Variants in DNAJB12 observed in about 807,000 individuals in gnomAD.
The protein encoded by DNAJB12 is dnaJ homolog subfamily B member 12.
In DNAJB12, 14 loss-of-function variants were observed where a neutral mutation model predicts 40.6. The ratio of observed to expected loss-of-function variants is 0.34; its 90% CI spans 0.23 to 0.54. The LOEUF is 0.54. Among genes scored for constraint, DNAJB12 ranks in the 20% least tolerant of loss-of-function variants. DNAJB12 has a pLI of 0.92. For synonymous variants in DNAJB12, 181 were observed against 199.5 expected, an observed-to-expected ratio of 0.91 and a Z score of 0.78; for missense variants, 444 against 501.7, an observed-to-expected ratio of 0.89 and a Z score of 1.10.
Position 72,335,622 on chromosome 10 carries a change from C to A in DNAJB12, c.*30+158G>T. On this transcript the variant is annotated intron_variant, in intron 8 of 8. Transcript: ENST00000444643. This position sits in a 1 kb window ranked among gnomAD's most constrained non-coding sequence, Gnocchi z 4.4. Reference sequence around the variant, plus strand: ...ACCGACCTTGGTTTCCCAGCAGGCCCCACAGCTGCTCGGTCTCTGGAGGCT... The same window carrying A: ...ACCGACCTTGGTTTCCCAGCAGGCCACACAGCTGCTCGGTCTCTGGAGGCT... The A allele has an allele frequency of 7.1e-7, 1 of 1,412,506 alleles. No individual in the cohort carries two copies. Among genetic ancestry groups the A allele is most frequent in the Non-Finnish European group, 9.2e-7 (1 of 1,085,006 alleles). The allele number at this position is 1,412,506 out of a possible 1,614,324, so 87.5% of individuals were successfully genotyped here.
chr10:72,354,564 C>G (rs1458942325), intron 1 of DNAJB12, among the ~76,000 whole-genome samples: 5 of 152,226 alleles, frequency 3.3e-5, no homozygotes. Context: ...GTCCCGGCCG[C>G]CCGAGTCTCC....
intron 5 of DNAJB12, among the ~76,000 whole-genome samples, chr10:72,339,395 G>A (rs1011536693): frequency 1.1e-4 from 17 of 152,212 alleles, no homozygotes; most frequent in African/African-American, 3.6e-4. Flanking sequence ...TTAGCTGGGT[G>A]TGGTGGCGGG....
Position 72,335,479 on chromosome 10 carries a change from G to A in DNAJB12, c.*30+301C>T, listed in dbSNP as rs1564816652. ...GGCTGGAGTGGACCAAGAAGCCCCG[G>A]GTGGCCCTCAGCAACAGTTTCAAGT... On this transcript the variant is annotated intron_variant, in intron 8 of 8. Transcript: ENST00000444643. The surrounding 1 kb of genome is among the most constrained non-coding windows in gnomAD (Gnocchi z 4.4). 4 of 1,134,468 alleles carry A rather than the reference G, an allele frequency of 3.5e-6. No homozygotes were observed. Among genetic ancestry groups the A allele is most frequent in the Non-Finnish European group, 4.4e-6 (4 of 917,738 alleles). The allele number at this position is 1,134,468 out of a possible 1,614,324, so 70.3% of individuals were successfully genotyped here.
In DNAJB12 at chr10:72,335,537, C is replaced by A; in HGVS notation, c.*30+243G>T. 7.9e-7 allele frequency: 1 copy of A among 1,267,898 alleles called. No homozygotes were observed. The highest frequency in any genetic ancestry group is 1.0e-6 in the Non-Finnish European group (1 of 997,702). The allele number at this position is 1,267,898 out of a possible 1,614,324, so 78.5% of individuals were successfully genotyped here. On this transcript the variant is annotated intron_variant, in intron 8 of 8. Transcript: ENST00000444643. The surrounding 1 kb of genome is among the most constrained non-coding windows in gnomAD (Gnocchi z 4.4). ...CTGCCTGGTTCTGGGGTCCCCCACA[C>A]CCCTGGAGCCAGGGAGCAGAGCGGA...
intron 1 of DNAJB12, among the ~76,000 whole-genome samples, chr10:72,346,713 G>C (rs1464353618): frequency 6.6e-6 from 1 of 152,038 alleles, no homozygotes; most frequent in African/African-American, 2.4e-5. Flanking sequence ...TGCCCACCTC[G>C]GGTTCCCAAA....
At chr10:72,344,190 T>C (rs1471337476) in intron 2 of DNAJB12, among the ~76,000 whole-genome samples, 1 of 152,246 alleles carries the variant, frequency 6.6e-6, no homozygotes, top group Non-Finnish European at 1.5e-5. Flanking sequence ...CTCCTGGTTC[T>C]TGGCCGTTTC....
rs1358471663 is a variant in DNAJB12, at chr10:72,332,891, T to C, written c.*1757A>G. 1.4e-5 allele frequency: 2 copies of C among 141,932 alleles called. No individual in the cohort carries two copies. Among genetic ancestry groups the C allele is most frequent in the African/African-American group, 2.6e-5 (1 of 37,764 alleles). The allele number at this position is 141,932 out of a possible 1,614,324, so 8.8% of individuals were successfully genotyped here. A position where few individuals can be genotyped will look rare whatever the true frequency, so the allele number is the denominator to read the frequency against. The stretch of plus-strand genomic sequence containing the variant: ...AATTTGAGAATTCTAATTCAAGAAA[T>C]ACAGCTTCCAGAGGATCCTTTAGGA... On this transcript the variant is annotated 3_prime_UTR_variant, in exon 9 of 9. Coordinates refer to ENST00000444643, the MANE Select transcript of DNAJB12 (RefSeq NM_017626.7).
chr10:72,340,715 C>CCCT (rs2131986647), intron 5 of DNAJB12, 74 bp downstream of exon 5: 1 of 1,458,132 alleles, frequency 6.9e-7, no homozygotes, highest in Non-Finnish European at 9.5e-7. Flanking sequence ...GGAGGGAACA[C>CCCT]CCTCCTCCAA....
intron 1 of DNAJB12, among the ~76,000 whole-genome samples, chr10:72,352,602 T>C (rs1271968900): frequency 6.6e-6 from 1 of 152,150 alleles, no homozygotes; most frequent in African/African-American, 2.4e-5. Context: ...GGGGCCTGAT[T>C]TTTTCATGCC....
chr10:72,343,681 G>A (rs1315618631), intron 2 of DNAJB12, among the ~76,000 whole-genome samples, 170 bp from the exon 3 acceptor site: 2 of 152,102 alleles, frequency 1.3e-5, no homozygotes, highest in African/African-American at 4.8e-5. Flanking sequence ...AGGGAGCCAA[G>A]TGGGCACCAA....
intron 2 of DNAJB12, among the ~76,000 whole-genome samples, chr10:72,343,822 G>T (rs967260435): frequency 3.3e-5 from 5 of 151,938 alleles, no homozygotes; most frequent in Admixed American, 3.3e-4. Flanking sequence ...CAGGAGGACT[G>T]TCGGTGTCCA....
chr10:72,354,743 C>T (rs1194043399), intron 1 of DNAJB12, 22 bp downstream of exon 1: 3 of 1,596,906 alleles, frequency 1.9e-6, no homozygotes, highest in Non-Finnish European at 2.6e-6. Context: ...TGTCCCCAGT[C>T]TCTCCGGCAC....
intron 5 of DNAJB12, 41 bp from the exon 6 acceptor site, chr10:72,338,352 G>T (rs368654772): frequency 1.9e-6 from 3 of 1,571,758 alleles, no homozygotes; most frequent in Non-Finnish European, 2.6e-6. Flanking sequence ...GACCTGGGTG[G>T]GGTGTGGTGT....
At chr10:72,337,305 C>T (rs545964358) in intron 6 of DNAJB12, among the ~76,000 whole-genome samples, 2 of 152,298 alleles carry the variant, frequency 1.3e-5, no homozygotes, top group Admixed American at 1.3e-4. Context: ...CCTGAGCCGG[C>T]GGCCAGGGTC....
intron 1 of DNAJB12, among the ~76,000 whole-genome samples, chr10:72,346,684 C>T (rs553801803): frequency 6.6e-6 from 1 of 152,250 alleles, no homozygotes; most frequent in Non-Finnish European, 1.5e-5. Context: ...TGGTCTCGAA[C>T]TCCTGACCTC....
rs954184135 is a variant in DNAJB12 at position 72,354,889 on chromosome 10, G to A, written c.9C>T (p.Ser3=). 2 of 1,613,932 alleles carry A rather than the reference G, an allele frequency of 1.2e-6. No homozygotes were observed. Among genetic ancestry groups the A allele is most frequent in the African/African-American group, 2.7e-5 (2 of 74,938 alleles). The part of the protein sequence containing the change: ME[S]NKDEAERCIS... ...TACAGCGCTCAGCTTCATCCTTGTT[G>A]GATTCCATGGCGGAACCAGAACGCG... The change falls in exon 1 of 9, where the codon TCC becomes TCT. Residue 3 remains serine, a synonymous_variant. Transcript: ENST00000444643.
intron 3 of DNAJB12, among the ~76,000 whole-genome samples, chr10:72,341,420 T>A (rs1180884634): frequency 6.6e-6 from 1 of 152,206 alleles, no homozygotes; most frequent in African/African-American, 2.4e-5. Flanking sequence ...TGGTCAAGCT[T>A]TGTCAATGTG....
At chr10:72,347,279 G>A (rs1861816750) in intron 1 of DNAJB12, among the ~76,000 whole-genome samples, 1 of 152,146 alleles carries the variant, frequency 6.6e-6, no homozygotes. Flanking sequence ...AGATTTTTAA[G>A]ATCTCAAAGT....
Position 72,343,359 on chromosome 10 carries a change from G to T in DNAJB12, c.457+7C>A, listed in dbSNP as rs113039183. On this transcript the variant is annotated splice_region_variant and intron_variant, in intron 3 of 8. Coordinates refer to ENST00000444643, the MANE Select transcript of DNAJB12 (RefSeq NM_017626.7). ...ACCAAAATGCTAGGAAAGCAGGGCT[G>T]GCTTACCTTTGAAGGCTTCAGTGGC... is the stretch of plus-strand genomic sequence containing the variant. 1.2e-5 allele frequency: 19 copies of T among 1,612,056 alleles called. No homozygotes were observed. The African/African-American group carries it at 2.3e-4, about 19-fold the overall frequency.
Sources: gnomAD v4.1 joint callset for allele counts (sites outside exome capture counted in the v4.1 genomes callset) on GRCh38, gnomAD v4.1.1 for gene constraint, Gnocchi (gnomAD v3.1) non-coding constraint, MANE v1.5 for transcripts, NCBI Gene and HGNC (gene_info 2026-07-23, HGNC 2026-07-21) for gene names.